Variants in MEIS2 observed in about 807,000 individuals in gnomAD.
The protein encoded by MEIS2 is homeobox protein Meis2.
In MEIS2, 9 loss-of-function variants were observed where a neutral mutation model predicts 58.6. The observed-to-expected ratio is 0.15, with a 90% CI of 0.09 to 0.27. MEIS2 has a LOEUF of 0.27. MEIS2 is among the 10% of genes least tolerant of loss of function. MEIS2 has a pLI of 1.00. For missense variants in MEIS2, 427 were observed against 635.0 expected (o/e 0.67, Z 3.52); for synonymous variants, 221 against 228.4 (o/e 0.97, Z 0.29).
At chr15:37,010,309 G>A (rs540893147) in intron 8 of MEIS2, among the ~76,000 whole-genome samples, 56 of 151,926 alleles carry the variant, frequency 3.7e-4, no homozygotes, top group Non-Finnish European at 7.1e-4. Flanking sequence ...GGATGGTCTG[G>A]ATCTCCTGAC....
chr15:36,926,473 T>C (rs918635177), intron 9 of MEIS2, among the ~76,000 whole-genome samples: 2 of 152,200 alleles, frequency 1.3e-5, no homozygotes, highest in African/African-American at 2.4e-5. Flanking sequence ...ATAAAATACG[T>C]CTGCATTAAA....
chr15:36,977,442 A>G (rs2059794632), intron 8 of MEIS2, among the ~76,000 whole-genome samples: 1 of 152,202 alleles, frequency 6.6e-6, no homozygotes, highest in Admixed American at 6.5e-5. Flanking sequence ...TTTGACATCA[A>G]AGAGAATCAA....
intron 8 of MEIS2, among the ~76,000 whole-genome samples, chr15:37,009,645 C>T (rs1266583656): frequency 1.3e-5 from 2 of 152,164 alleles, no homozygotes; most frequent in Non-Finnish European, 2.9e-5. Context: ...ATTATGAAGT[C>T]ATTCAATTTG....
chr15:36,929,873 A>G (rs999271393), intron 9 of MEIS2, among the ~76,000 whole-genome samples: 2 of 152,162 alleles, frequency 1.3e-5, no homozygotes, highest in African/African-American at 4.8e-5. Context: ...AGCAGAAAAT[A>G]TCGGTTGTCA....
chr15:37,088,460 A>G (rs1375332071), intron 6 of MEIS2, among the ~76,000 whole-genome samples: 1 of 152,174 alleles, frequency 6.6e-6, no homozygotes, highest in Non-Finnish European at 1.5e-5. Context: ...TTATGCAAAA[A>G]ATATTTTTAA....
At chr15:36,913,788 A>G (rs1228599368) in intron 9 of MEIS2, among the ~76,000 whole-genome samples, 1 of 152,108 alleles carries the variant, frequency 6.6e-6, no homozygotes, top group East Asian at 1.9e-4. Flanking sequence ...GTCAGAAGGA[A>G]AAAAATACAC....
At chr15:36,963,669 C>T (rs1167004202) in intron 8 of MEIS2, among the ~76,000 whole-genome samples, 1 of 152,172 alleles carries the variant, frequency 6.6e-6, no homozygotes, top group East Asian at 1.9e-4. Context: ...AATGAATAAA[C>T]CTATCTTCAT....
At chr15:36,908,796 G>A (rs543847152) in intron 9 of MEIS2, among the ~76,000 whole-genome samples, 2 of 152,128 alleles carry the variant, frequency 1.3e-5, no homozygotes, top group Admixed American at 1.3e-4. Context: ...AGTATTAGCC[G>A]GGCATGGTGG....
intron 8 of MEIS2, among the ~76,000 whole-genome samples, chr15:37,013,943 A>T (rs992725128): frequency 6.6e-6 from 1 of 152,212 alleles, no homozygotes; most frequent in African/African-American, 2.4e-5. Flanking sequence ...ACTTGAGCAT[A>T]CAAAATCTCC....
intron 9 of MEIS2, among the ~76,000 whole-genome samples, chr15:36,919,791 A>G (rs2057423845): frequency 6.6e-6 from 1 of 152,184 alleles, no homozygotes. Flanking sequence ...ATGTAGATGA[A>G]ATAGAGCAAG....
rs57919785 is a variant in MEIS2, at chr15:36,911,270, CGTGTGT to C, written c.978-14590_978-14585del. ...AACCGAAGAATAATCTTAAGAATAA[CGTGTGT>C]GTGTGTGTGTGTGTATGTATATATA... On this transcript the variant is annotated intron_variant, in intron 9 of 11. Coordinates refer to ENST00000561208, the MANE Select transcript of MEIS2 (RefSeq NM_170675.5). 1.3e-4 allele frequency among the ~76,000 whole-genome samples: 20 copies of C among 149,972 alleles called. No homozygotes were observed. The South Asian group carries it at 1.9e-3, about 14-fold the overall frequency.
chr15:37,024,984 A>C (rs992980736), intron 8 of MEIS2, among the ~76,000 whole-genome samples: 6 of 152,200 alleles, frequency 3.9e-5, no homozygotes, highest in African/African-American at 1.4e-4. Flanking sequence ...TGAGTGTACA[A>C]ATTCCAAAAG....
At position 36,889,381 on chromosome 15, in the gene MEIS2, G is replaced by A. The variant is rs1385594373; in HGVS notation, c.*2792C>T. ...CGAGATAGGAGCAAGTGCCTTCCGG[G>A]GTGGTGTAAAAAAAGCATTATAAAA... On this transcript the variant is annotated 3_prime_UTR_variant, in exon 12 of 12. Coordinates refer to ENST00000561208, the MANE Select transcript of MEIS2 (RefSeq NM_170675.5). The A allele has an allele frequency of 6.6e-6, 1 of 152,030 alleles. No homozygotes were observed. The highest frequency in any genetic ancestry group is 1.5e-5 in the Non-Finnish European group (1 of 68,012). The allele number at this position is 152,030 out of a possible 1,614,324, so 9.4% of individuals were successfully genotyped here. A position where few individuals can be genotyped will look rare whatever the true frequency, so the allele number is the denominator to read the frequency against.
intron 4 of MEIS2, 56 bp downstream of exon 4, chr15:37,095,508 T>A: frequency 6.2e-7 from 1 of 1,613,048 alleles, no homozygotes; most frequent in Non-Finnish European, 8.5e-7. Context: ...AAGTGGGTGC[T>A]TCTGGGCATG....
intron 7 of MEIS2, among the ~76,000 whole-genome samples, chr15:37,039,369 A>T (rs1209945081): frequency 6.6e-6 from 1 of 152,200 alleles, no homozygotes; most frequent in Non-Finnish European, 1.5e-5. Context: ...GTTTCTGTGT[A>T]TATGTTTAAG....
At chr15:36,982,728 T>C (rs964665477) in intron 8 of MEIS2, among the ~76,000 whole-genome samples, 1 of 152,182 alleles carries the variant, frequency 6.6e-6, no homozygotes, top group African/African-American at 2.4e-5. Flanking sequence ...GGAACCTTCA[T>C]ACTATTTTCC....
rs150116951 is a variant in MEIS2 at position 37,055,708 on chromosome 15, C to T, written c.755-18749G>A. ...TTTTCTCGCTAAGGTTCACTAAGTA[C>T]GGAAAGCTCGGCCCTGGTGAATATG... On this transcript the variant is annotated intron_variant, in intron 7 of 11. Coordinates refer to ENST00000561208, the MANE Select transcript of MEIS2 (RefSeq NM_170675.5). Among the ~76,000 whole-genome samples, 5 of 152,248 alleles carry T rather than the reference C, an allele frequency of 3.3e-5. No individual in the cohort carries two copies. In the East Asian group the frequency reaches 7.7e-4, roughly 24 times the overall value.
chr15:36,950,146 T>C (rs189257795), intron 9 of MEIS2, among the ~76,000 whole-genome samples, 178 bp downstream of exon 9: 118 of 151,792 alleles, frequency 7.8e-4, no homozygotes, highest in African/African-American at 2.6e-3. Context: ...ACAAAAACCA[T>C]TTCCCTAGGT....
intron 9 of MEIS2, among the ~76,000 whole-genome samples, chr15:36,908,679 G>A (rs1333687434): frequency 6.6e-6 from 1 of 152,070 alleles, no homozygotes; most frequent in Non-Finnish European, 1.5e-5. Context: ...AACTTGGCTG[G>A]GCACGGAGGC....
Sources: allele counts gnomAD v4.1 joint callset (sites outside exome capture counted in the v4.1 genomes callset), GRCh38; gene constraint gnomAD v4.1.1; transcripts MANE v1.5; gene names NCBI Gene and HGNC (gene_info 2026-07-23, HGNC 2026-07-21).